The following CACNA1E variants were observed in gnomAD, a reference collection of about 807,000 sequenced individuals.
CACNA1E encodes the protein calcium voltage-gated channel subunit alpha1 E.
A neutral mutation model predicts 259.2 loss-of-function variants in CACNA1E; 40 were observed. The ratio of observed to expected loss-of-function variants is 0.15; its 90% CI spans 0.12 to 0.20. CACNA1E has a LOEUF of 0.20. CACNA1E is among the 10% of genes least tolerant of loss of function. The pLI is 1.00. For synonymous variants in CACNA1E, 1,104 were observed against 1,138.5 expected, an observed-to-expected ratio of 0.97 and a Z score of 0.61; for missense variants, 1,874 against 3,040.1, an observed-to-expected ratio of 0.62 and a Z score of 9.02.
chr1:181,740,618 C>A (rs1352722456), intron 25 of CACNA1E, among the ~76,000 whole-genome samples: 1 of 152,118 alleles, frequency 6.6e-6, no homozygotes, highest in Non-Finnish European at 1.5e-5. Flanking sequence ...TGGAACTGGA[C>A]TGTGTCCACT....
At chr1:181,721,919 G>C in intron 16 of CACNA1E, 44 bp downstream of exon 16, 1 of 1,273,962 alleles carries the variant, frequency 7.8e-7, no homozygotes, top group African/African-American at 1.5e-5. Flanking sequence ...CTGCCTTCCT[G>C]GACCAGCATT....
chr1:181,338,951 T>C (rs558370973), intron 1 of CACNA1E, among the ~76,000 whole-genome samples: 1 of 152,192 alleles, frequency 6.6e-6, no homozygotes, highest in Non-Finnish European at 1.5e-5. Flanking sequence ...CTTGGTGGCC[T>C]TGTCAAAAAT....
At chr1:181,715,703 G>A (rs1158400376) in intron 9 of CACNA1E, among the ~76,000 whole-genome samples, 1 of 152,168 alleles carries the variant, frequency 6.6e-6, no homozygotes, top group African/African-American at 2.4e-5. Flanking sequence ...AATGTGTGGG[G>A]ATCACCTTGA....
At chr1:181,460,031 G>A (rs940068754) in intron 2 of CACNA1E, among the ~76,000 whole-genome samples, 90 of 152,016 alleles carry the variant, frequency 5.9e-4, no homozygotes, top group African/African-American at 1.5e-3. Flanking sequence ...GCTTCCTTGC[G>A]TTTGCATACC....
intron 3 of CACNA1E, among the ~76,000 whole-genome samples, chr1:181,551,302 G>A (rs1648120836): frequency 6.6e-6 from 1 of 152,184 alleles, no homozygotes; most frequent in African/African-American, 2.4e-5. Context: ...CCCCCTGCTT[G>A]GATTGAAGAG....
intron 3 of CACNA1E, among the ~76,000 whole-genome samples, chr1:181,575,499 C>A (rs923880441): frequency 1.1e-4 from 16 of 152,128 alleles, no homozygotes; most frequent in African/African-American, 3.9e-4. Context: ...GCTCACTCTT[C>A]TATCATCTTA....
rs777870704 is a variant in CACNA1E, at chr1:181,798,502, A to G, written c.6610A>G (p.Asn2204Asp). 15 of 1,613,724 alleles carry G rather than the reference A, an allele frequency of 9.3e-6. No individual in the cohort carries two copies. Among genetic ancestry groups the G allele is most frequent in the Admixed American group, 3.3e-5 (2 of 59,992 alleles). Residue 2204 changes from asparagine (N) to aspartate (D), a missense_variant, in exon 48 of 48, where the codon AAT becomes GAT. By Grantham distance (23) the Asn-to-Asp change is conservative (BLOSUM62 1). This residue lies in a region of CACNA1E where 542 missense variants were observed against 587.2 expected (regional missense o/e 0.92). Transcript: ENST00000367573. This position sits in a 1 kb window ranked among gnomAD's most constrained non-coding sequence, Gnocchi z 4.2. ...PLTSQALESNNACLTESSNSP... is the reference protein window; with the variant it reads ...PLTSQALESNDACLTESSNSP... Reference sequence around the variant, plus strand: ...GACCTCCCAAGCTCTGGAGAGCAACAATGCTTGCCTGACCGAGTCTTCCAA... The same window carrying G: ...GACCTCCCAAGCTCTGGAGAGCAACGATGCTTGCCTGACCGAGTCTTCCAA...
chr1:181,786,331 A>G (rs1268026622), intron 43 of CACNA1E, among the ~76,000 whole-genome samples: 1 of 152,182 alleles, frequency 6.6e-6, no homozygotes, highest in Non-Finnish European at 1.5e-5. Flanking sequence ...CCCTGGAGGT[A>G]TATATTAATA....
At chr1:181,784,918 T>A in intron 41 of CACNA1E, 150 bp downstream of exon 41, 1 of 612,118 alleles carries the variant, frequency 1.6e-6, no homozygotes, top group African/African-American at 1.9e-5. Flanking sequence ...TAAAACATGT[T>A]CTTTAAGATA....
intron 8 of CACNA1E, among the ~76,000 whole-genome samples, chr1:181,712,093 G>C (rs899823195): frequency 6.6e-6 from 1 of 152,184 alleles, no homozygotes; most frequent in Non-Finnish European, 1.5e-5. Flanking sequence ...ATTAGGAATA[G>C]TTCTCAGCTG....
At chr1:181,441,979 GT>G in intron 2 of CACNA1E, among the ~76,000 whole-genome samples, 1 of 152,298 alleles carries the variant, frequency 6.6e-6, no homozygotes, top group South Asian at 2.1e-4. Context: ...AGAGCCAGAA[GT>G]TGCCAGGTCT....
chr1:181,733,883 C>A, intron 21 of CACNA1E, 133 bp downstream of exon 21: 1 of 620,178 alleles, frequency 1.6e-6, no homozygotes, highest in Non-Finnish European at 2.5e-6. Flanking sequence ...AAATGAGTGG[C>A]GGTTTTCTCC....
intron 7 of CACNA1E, among the ~76,000 whole-genome samples, chr1:181,702,104 A>G (rs889242111): frequency 3.3e-5 from 5 of 152,266 alleles, no homozygotes; most frequent in Admixed American, 3.3e-4. Context: ...TAAACATGTC[A>G]GGATATCCAG....
chr1:181,594,826 G>A (rs1653000902), intron 6 of CACNA1E, among the ~76,000 whole-genome samples: 1 of 152,186 alleles, frequency 6.6e-6, no homozygotes, highest in Non-Finnish European at 1.5e-5. Flanking sequence ...TGCATACAAT[G>A]GCTGTAAGAA....
Position 181,721,795 on chromosome 1 carries a change from A to G in CACNA1E, c.1994A>G (p.Asn665Ser), listed in dbSNP as rs1355325339. 4 of 1,613,424 alleles carry G rather than the reference A, an allele frequency of 2.5e-6. No homozygotes were observed. Among genetic ancestry groups the G allele is most frequent in the East Asian group, 2.2e-5 (1 of 44,862 alleles). Residue 665 changes from asparagine (N) to serine (S), a missense_variant, in exon 16 of 48, where the codon AAT (asparagine) becomes AGT (serine). Physicochemically the swap from Asn to Ser is conservative, Grantham distance 46. This residue lies in a region of CACNA1E where 102 missense variants were observed against 279.4 expected (regional missense o/e 0.37). Coordinates refer to ENST00000367573, the MANE Select transcript of CACNA1E (RefSeq NM_001205293.3). Reference sequence around the variant, plus strand: ...GAGGACTGGAATGAGGTGATGTACAATGGGATCCGCTCCCAGGGTGGGGTC... The same window carrying G: ...GAGGACTGGAATGAGGTGATGTACAGTGGGATCCGCTCCCAGGGTGGGGTC... ...TGEDWNEVMY[N>S]GIRSQGGVSS... is the part of the protein sequence containing the mutation.
intron 3 of CACNA1E, among the ~76,000 whole-genome samples, chr1:181,535,633 T>C (rs1489822686): frequency 6.6e-6 from 1 of 152,070 alleles, no homozygotes; most frequent in Non-Finnish European, 1.5e-5. Context: ...AACCACTCGA[T>C]TGTTGTCTTT....
intron 7 of CACNA1E, among the ~76,000 whole-genome samples, chr1:181,706,877 A>G (rs1652848497): frequency 6.6e-6 from 1 of 152,280 alleles, no homozygotes; most frequent in African/African-American, 2.4e-5. Flanking sequence ...GAAATAATTT[A>G]CATGAAAATG....
intron 1 of CACNA1E, among the ~76,000 whole-genome samples, chr1:181,374,823 G>A (rs986874318): frequency 6.6e-6 from 1 of 152,178 alleles, no homozygotes; most frequent in South Asian, 2.1e-4. Context: ...ATGTTTAAAC[G>A]CCCCTTCTCT....
intron 2 of CACNA1E, among the ~76,000 whole-genome samples, chr1:181,463,789 G>C (rs983456214): frequency 6.6e-6 from 1 of 152,034 alleles, no homozygotes; most frequent in Admixed American, 6.6e-5. Flanking sequence ...TTGTCATACA[G>C]AGTTATTAAT....
Sources: allele counts gnomAD v4.1 joint callset (sites outside exome capture counted in the v4.1 genomes callset), GRCh38; gene constraint gnomAD v4.1.1; regional missense constraint gnomAD v4.1.1; non-coding constraint Gnocchi (gnomAD v3.1); transcripts MANE v1.5; gene names NCBI Gene and HGNC (gene_info 2026-07-23, HGNC 2026-07-21).